Variants in SIRPB1 observed in about 807,000 individuals in gnomAD.
SIRPB1 encodes the protein signal-regulatory protein beta-1.
In SIRPB1, 28 loss-of-function variants were observed where a neutral mutation model predicts 34.1. The ratio of observed to expected loss-of-function variants is 0.82; its 90% CI spans 0.61 to 1.12. The LOEUF (loss-of-function observed/expected upper bound fraction) is 1.12. SIRPB1 is among the 50% of genes most tolerant of loss of function. SIRPB1 has a pLI of 0.00. For missense variants in SIRPB1, 499 were observed against 507.0 expected (o/e 0.98, Z 0.15); for synonymous variants, 211 against 203.8 (o/e 1.04, Z -0.30).
At chr20:1,613,934 T>G (rs989581100) in intron 1 of SIRPB1, among the ~76,000 whole-genome samples, 13 of 152,232 alleles carry the variant, frequency 8.5e-5, no homozygotes, top group African/African-American at 3.1e-4. Flanking sequence ...AGACCCACAC[T>G]AAGACACATT....
chr20:1,571,778 G>A lies in SIRPB1; in HGVS notation c.693C>T (p.His231=), dbSNP rs560065824. 501 of 1,613,854 alleles carry A rather than the reference G, an allele frequency of 3.1e-4. 1 individual carries two copies. The Middle Eastern group carries it at 3.6e-3, about 12-fold the overall frequency. The change falls in exon 3 of 6, where the codon CAC becomes CAT. Residue 231 remains histidine, a synonymous_variant. Coordinates refer to ENST00000381605, the MANE Select transcript of SIRPB1 (RefSeq NM_006065.5). ...VHSQVICEIA[H]ITLQGDPLRG... ...GAAGAGGGTCCCCCTGCAAGGTGAT[G>A]TGGGCTATCTCGCAGATGACTTGAG...
chr20:1,580,067 C>A (rs2091380090), intron 1 of SIRPB1, among the ~76,000 whole-genome samples: 1 of 148,338 alleles, frequency 6.7e-6, no homozygotes, highest in Non-Finnish European at 1.5e-5. Context: ...CTTTAATAAC[C>A]ATTTCACTAC....
At position 1,568,076 on chromosome 20, in the gene SIRPB1, C is replaced by A. The variant is rs368975348; in HGVS notation, c.1085-1809G>T. Reference sequence around the variant, plus strand: ...GTGGAAGGAGACATTTGGGTCAAACCACTCAAAGATTGTCAGTTGACTTCA... The same window carrying A: ...GTGGAAGGAGACATTTGGGTCAAACAACTCAAAGATTGTCAGTTGACTTCA... On this transcript the variant is annotated intron_variant, in intron 4 of 5. Coordinates refer to ENST00000381605, the MANE Select transcript of SIRPB1 (RefSeq NM_006065.5). 2.6e-5 allele frequency among the ~76,000 whole-genome samples: 4 copies of A among 152,168 alleles called. No homozygotes were observed. The East Asian group carries it at 5.8e-4, about 22-fold the overall frequency.
At chr20:1,616,112 T>C (rs2091626063) in intron 1 of SIRPB1, among the ~76,000 whole-genome samples, 2 of 152,230 alleles carry the variant, frequency 1.3e-5, no homozygotes, top group Non-Finnish European at 2.9e-5. Flanking sequence ...GTGGATTAGA[T>C]AATTACTTTT....
At position 1,561,713 on chromosome 20, in the gene SIRPB1, A is replaced by C. The variant is rs1482543416; in HGVS notation, c.*3787T>G. On this transcript the variant is annotated 3_prime_UTR_variant, in exon 6 of 6. Coordinates refer to ENST00000381605, the MANE Select transcript of SIRPB1 (RefSeq NM_006065.5). Reference sequence around the variant, plus strand: ...ATCATATTAAAGGTACATATTAGTGACATGATTTATGATTCTTGATGTTGA... The same window carrying C: ...ATCATATTAAAGGTACATATTAGTGCCATGATTTATGATTCTTGATGTTGA... Among the ~76,000 whole-genome samples the C allele has an allele frequency of 6.6e-6, 1 of 152,214 alleles. No individual in the cohort carries two copies. Among genetic ancestry groups the C allele is most frequent in the East Asian group, 1.9e-4 (1 of 5,204 alleles).
chr20:1,609,597 A>C lies in SIRPB1; in HGVS notation c.76+10272T>G, dbSNP rs2091544612. Among the ~76,000 whole-genome samples, 2 of 71,104 alleles carry C rather than the reference A, an allele frequency of 2.8e-5. 1 individual carries two copies. Among genetic ancestry groups the C allele is most frequent in the Non-Finnish European group, 5.2e-5 (2 of 38,202 alleles). The allele number at this position is 71,104 out of a possible 152,430, so 46.6% of individuals were successfully genotyped here. A position where few individuals can be genotyped will look rare whatever the true frequency, so the allele number is the denominator to read the frequency against. ...AGGACCTTTCTTATGTATTGTGTCC[A>C]CCCCGATGCTAGAGGCAGATGTTAA... On this transcript the variant is annotated intron_variant, in intron 1 of 5. Transcript: ENST00000381605.
intron 1 of SIRPB1, among the ~76,000 whole-genome samples, chr20:1,616,025 A>G (rs2091624606): frequency 6.6e-6 from 1 of 152,216 alleles, no homozygotes; most frequent in Non-Finnish European, 1.5e-5. Flanking sequence ...AAGGACATGA[A>G]AGACCTCCAC....
At position 1,571,053 on chromosome 20, in the gene SIRPB1, G is replaced by A. The variant is rs753662098; in HGVS notation, c.836C>T (p.Pro279Leu). ...NVTCQVSNFY[P>L]RGLQLTWLEN... ...CAACCAGGTCAGCTGTAGTCCCCGG[G>A]GGTAGAAATTGCTCACCTGGCAGGT... The change falls in exon 4 of 6, where the codon CCC becomes CTC. Residue 279 changes from proline to leucine, a missense_variant. Transcript: ENST00000381605. 9 of 1,614,058 alleles carry A rather than the reference G, an allele frequency of 5.6e-6. No homozygotes were observed. In the East Asian group the frequency reaches 8.9e-5, roughly 16 times the overall value.
rs1307597871 is a variant in SIRPB1 at position 1,566,287 on chromosome 20, AG to A, written c.1085-21del. The A allele has an allele frequency of 2.6e-6, 4 of 1,537,380 alleles. No homozygotes were observed. Among genetic ancestry groups the A allele is most frequent in the Non-Finnish European group, 3.6e-6 (4 of 1,125,688 alleles). ...CTGCTTCTGGAAATCAGGGAAGAGG[AG>A]GAGCCATGAGAGGGGCCACCTGGGA... On this transcript the variant is annotated intron_variant, in intron 4 of 5. Coordinates refer to ENST00000381605, the MANE Select transcript of SIRPB1 (RefSeq NM_006065.5).
intron 1 of SIRPB1, among the ~76,000 whole-genome samples, chr20:1,615,795 A>G (rs1254757776): frequency 6.6e-6 from 1 of 152,244 alleles, no homozygotes; most frequent in Non-Finnish European, 1.5e-5. Flanking sequence ...AATACCATCA[A>G]TAATAGGAAT....
chr20:1,571,644 A>G (rs1022773562), intron 3 of SIRPB1, 76 bp downstream of exon 3: 1 of 1,604,660 alleles, frequency 6.2e-7, no homozygotes, highest in African/African-American at 1.3e-5. Flanking sequence ...AGGCCTTTCA[A>G]GCTCTGGAGC....
At chr20:1,616,836 T>A (rs1209833735) in intron 1 of SIRPB1, among the ~76,000 whole-genome samples, 1 of 152,032 alleles carries the variant, frequency 6.6e-6, no homozygotes, top group Non-Finnish European at 1.5e-5. Flanking sequence ...TATAAGGAAG[T>A]GAAACAACTC....
intron 1 of SIRPB1, chr20:1,611,841 A>C: frequency 2.7e-6 from 1 of 367,832 alleles, no homozygotes; most frequent in Non-Finnish European, 4.4e-6. Context: ...AGCACACTAC[A>C]CGTATTATCT....
At chr20:1,616,476 A>G (rs534279963) in intron 1 of SIRPB1, among the ~76,000 whole-genome samples, 1 of 152,244 alleles carries the variant, frequency 6.6e-6, no homozygotes, top group Non-Finnish European at 1.5e-5. Flanking sequence ...CAGTCTCTTC[A>G]AAAAGTGGCA....
chr20:1,583,848 T>TTAC (rs60912313), intron 1 of SIRPB1, among the ~76,000 whole-genome samples: 16,640 of 32,560 alleles, frequency 0.51, 7,576 homozygotes, highest in East Asian at 0.73. Context: ...AAGGGAAGTC[T>TTAC]TACTACTACT....
At position 1,603,310 on chromosome 20, in the gene SIRPB1, C is replaced by T. The variant is rs1174486715; in HGVS notation, c.76+16559G>A. On this transcript the variant is annotated intron_variant, in intron 1 of 5. Transcript: ENST00000381605. ...ATTATTATTGGTCAAATATCACCAT[C>T]GGGACCCAAAGGAGGCCCTTGCTTT... 1.4e-5 allele frequency: 2 copies of T among 144,452 alleles called. 1 individual carries two copies. Among genetic ancestry groups the T allele is most frequent in the Admixed American group, 9.7e-5 (2 of 20,698 alleles). 8.9% of individuals were successfully genotyped at this position (144,452 alleles called of 1,614,324 possible).
chr20:1,571,883 G>A lies in SIRPB1; in HGVS notation c.588C>T (p.Asn196=), dbSNP rs371319948. 26 of 1,614,238 alleles carry A rather than the reference G, an allele frequency of 1.6e-5. No homozygotes were observed. Among genetic ancestry groups the A allele is most frequent in the Middle Eastern group, 3.3e-4 (2 of 6,062 alleles). The change falls in exon 3 of 6, where the codon AAC becomes AAT. Residue 196 remains asparagine (N), a synonymous_variant. Coordinates refer to ENST00000381605, the MANE Select transcript of SIRPB1 (RefSeq NM_006065.5). ...NGNELSDFQT[N]VDPAGDSVSY... is the part of the protein sequence containing the mutation. ...ACACACTGTCTCCTGCGGGGTCCAC[G>A]TTGGTCTGGAAGTCTGAGAGCTCAT... is the stretch of plus-strand genomic sequence containing the variant.
intron 1 of SIRPB1, among the ~76,000 whole-genome samples, chr20:1,613,896 T>C (rs980546492): frequency 1.6e-4 from 24 of 152,114 alleles, no homozygotes; most frequent in African/African-American, 5.3e-4. Context: ...ACAGAAGAAA[T>C]GCAAGTTGAA....
chr20:1,611,396 CCACG>C, intron 1 of SIRPB1: 1 of 916,438 alleles, frequency 1.1e-6, no homozygotes, highest in East Asian at 4.7e-5. Flanking sequence ...GACTTAAACT[CCACG>C]TGGTCGGGGC....
Sources: gnomAD v4.1 joint callset for allele counts (sites outside exome capture counted in the v4.1 genomes callset) on GRCh38, gnomAD v4.1.1 for gene constraint, MANE v1.5 for transcripts, NCBI Gene and HGNC (gene_info 2026-07-23, HGNC 2026-07-21) for gene names.